WNT7B: variants seen among roughly 807,000 people sequenced by gnomAD.
WNT7B encodes the protein protein Wnt-7b.
A neutral mutation model predicts 38.2 loss-of-function variants in WNT7B; 19 were observed. The ratio of observed to expected loss-of-function variants is 0.50; its 90% CI spans 0.35 to 0.73. The LOEUF (loss-of-function observed/expected upper bound fraction) is 0.73. Ranked by LOEUF, WNT7B falls within the 30% of genes least tolerant of loss-of-function variation. The pLI is 0.01. For synonymous variants in WNT7B, 243 were observed against 209.3 expected (o/e 1.16, Z -1.39); for missense variants, 423 against 507.9 (o/e 0.83, Z 1.61).
Position 45,977,102 on chromosome 22 carries a change from C to T in WNT7B, c.-348G>A. On this transcript the variant is annotated 5_prime_UTR_variant, in exon 1 of 4. Coordinates refer to ENST00000339464, the MANE Select transcript of WNT7B (RefSeq NM_058238.3). ...AGGCGCAGCCGCCTGAGGCCGTGAG[C>T]GCCTCGCCGAGCGCCGCGGCGGCCA... 3.6e-6 allele frequency: 3 copies of T among 839,402 alleles called. No individual in the cohort carries two copies. Among genetic ancestry groups the T allele is most frequent in the Non-Finnish European group, 4.3e-6 (3 of 696,804 alleles). The allele number at this position is 839,402 out of a possible 1,614,324, so 52.0% of individuals were successfully genotyped here. A position where few individuals can be genotyped will look rare whatever the true frequency, so the allele number is the denominator to read the frequency against.
intron 2 of WNT7B, among the ~76,000 whole-genome samples, chr22:45,932,316 T>A (rs977442172): frequency 1.3e-5 from 2 of 152,204 alleles, no homozygotes; most frequent in Admixed American, 6.5e-5. Context: ...CTGGGGATTA[T>A]GTGGTCTTTT....
intron 3 of WNT7B, 23 bp downstream of exon 3, chr22:45,931,075 C>T (rs1318455724): frequency 5.8e-6 from 9 of 1,547,056 alleles, no homozygotes; most frequent in South Asian, 3.6e-5. Context: ...CTACGGCCCC[C>T]ACCAGCCGCA....
At chr22:45,953,786 A>T (rs965592600) in intron 1 of WNT7B, among the ~76,000 whole-genome samples, 2 of 151,986 alleles carry the variant, frequency 1.3e-5, no homozygotes, top group African/African-American at 2.4e-5. Flanking sequence ...AAGGATGTGG[A>T]GAAATTGAAA....
At chr22:45,968,224 C>T (rs1932354565) in intron 1 of WNT7B, among the ~76,000 whole-genome samples, 1 of 152,030 alleles carries the variant, frequency 6.6e-6, no homozygotes, top group Non-Finnish European at 1.5e-5. Flanking sequence ...CTCTGGGAAG[C>T]CCTCTGAGAT....
intron 3 of WNT7B, among the ~76,000 whole-genome samples, chr22:45,929,572 TCATCCATAC>T (rs1931230493): frequency 8.0e-6 from 1 of 124,436 alleles, no homozygotes; most frequent in African/African-American, 3.3e-5. Flanking sequence ...ATCCCCTCAT[TCATCCATAC>T]TTCCATCCAT....
intron 2 of WNT7B, 107 bp from the exon 3 acceptor site, chr22:45,931,476 G>A: frequency 5.3e-6 from 7 of 1,326,422 alleles, no homozygotes; most frequent in Non-Finnish European, 7.0e-6. Context: ...CTGGTTGTGT[G>A]ACCCTGGGCT....
Position 45,976,721 on chromosome 22 carries a change from C to T in WNT7B, c.34G>A (p.Val12Met). Reference sequence around the variant, plus strand: ...TACAGGACGCCAAAGCAGAGAAACACGTAGAAAATCCACTTGCGAAAGTTT... The same window carrying T: ...TACAGGACGCCAAAGCAGAGAAACATGTAGAAAATCCACTTGCGAAAGTTT... ...HRNFRKWIFY[V>M]FLCFGVLYVK... The change falls in exon 1 of 4, where the codon GTG (valine) becomes ATG (methionine). Residue 12 changes from valine to methionine, a missense_variant. Physicochemically the swap from Val to Met is conservative, Grantham distance 21. Transcript: ENST00000339464. The surrounding 1 kb of genome is among the most constrained non-coding windows in gnomAD (Gnocchi z 8.5). 1 of 1,610,230 alleles carries T rather than the reference C, an allele frequency of 6.2e-7. No individual in the cohort carries two copies. Among genetic ancestry groups the T allele is most frequent in the Non-Finnish European group, 8.5e-7 (1 of 1,177,850 alleles).
At chr22:45,956,083 G>A (rs1309596885) in intron 1 of WNT7B, among the ~76,000 whole-genome samples, 4 of 152,214 alleles carry the variant, frequency 2.6e-5, no homozygotes, top group Non-Finnish European at 4.4e-5. Context: ...GGTGACAGAC[G>A]AGAGCAGGAG....
chr22:45,953,121 A>T (rs1931973157), intron 1 of WNT7B, among the ~76,000 whole-genome samples: 1 of 135,960 alleles, frequency 7.4e-6, no homozygotes, highest in Non-Finnish European at 1.6e-5. Flanking sequence ...TCTCACAGTC[A>T]CCGTGTCCGT....
chr22:45,934,804 G>A (rs921005342), intron 2 of WNT7B, among the ~76,000 whole-genome samples: 1 of 152,152 alleles, frequency 6.6e-6, no homozygotes, highest in Non-Finnish European at 1.5e-5. Flanking sequence ...TGCTTTTAAT[G>A]AGCCAAACCC....
At position 45,944,115 on chromosome 22, in the gene WNT7B, TG is replaced by T. The variant is rs1359140248; in HGVS notation, c.298+5804del. On this transcript the variant is annotated intron_variant, in intron 2 of 3. Transcript: ENST00000339464. ...CCAGGCTGCACCCAGGGTAACACAG[TG>T]GGACCCGGGCAGATAGGGCCTGTGT... is the stretch of plus-strand genomic sequence containing the variant. Among the ~76,000 whole-genome samples, 3 of 152,324 alleles carry T rather than the reference TG, an allele frequency of 2.0e-5. No homozygotes were observed. In the South Asian group the frequency reaches 6.2e-4, roughly 32 times the overall value.
chr22:45,966,214 CCAGGCGGGGGTCTGCAGGG>C lies in WNT7B; in HGVS notation c.71+10451_71+10469del, dbSNP rs1390399839. Among the ~76,000 whole-genome samples the C allele has an allele frequency of 2.0e-5, 3 of 152,206 alleles. No individual in the cohort carries two copies. Among genetic ancestry groups the C allele is most frequent in the African/African-American group, 7.2e-5 (3 of 41,452 alleles). The stretch of plus-strand genomic sequence containing the variant: ...GTGGGAATGCCTCATCCTGTGTCCC[CCAGGCGGGGGTCTGCAGGG>C]CAGGCAGTGCATTCTGGAGGACTTC... On this transcript the variant is annotated intron_variant, in intron 1 of 3. Transcript: ENST00000339464. The surrounding 1 kb of genome is among the most constrained non-coding windows in gnomAD (Gnocchi z 4.2).
intron 1 of WNT7B, among the ~76,000 whole-genome samples, chr22:45,953,300 C>T (rs1231090040): frequency 1.3e-5 from 2 of 151,466 alleles, no homozygotes; most frequent in African/African-American, 2.4e-5. Flanking sequence ...CTCTCACAGT[C>T]ACCACGTCCA....
At position 45,929,711 on chromosome 22, in the gene WNT7B, C is replaced by T. The variant is rs535250445; in HGVS notation, c.570+1387G>A. Among the ~76,000 whole-genome samples the T allele has an allele frequency of 2.6e-3, 260 of 98,904 alleles. 1 individual carries two copies. The highest frequency in any genetic ancestry group is 5.1e-3 in the South Asian group (15 of 2,944). The allele number at this position is 98,904 out of a possible 152,430, so 64.9% of individuals were successfully genotyped here. On this transcript the variant is annotated intron_variant, in intron 3 of 3. Coordinates refer to ENST00000339464, the MANE Select transcript of WNT7B (RefSeq NM_058238.3). ...TTCCATCCACCCATCTTTCCATCCA[C>T]CCGTGAATCCACTCACCCATCCACC... is the stretch of plus-strand genomic sequence containing the variant.
chr22:45,925,981 CCT>C (rs1431131861), intron 3 of WNT7B: 1 of 943,126 alleles, frequency 1.1e-6, no homozygotes, highest in South Asian at 4.7e-5. Context: ...TCCTCCCTCC[CCT>C]GTCCCTGTCT....
intron 1 of WNT7B, among the ~76,000 whole-genome samples, chr22:45,952,444 G>A (rs1931955603): frequency 6.6e-6 from 1 of 152,234 alleles, no homozygotes; most frequent in South Asian, 2.1e-4. Context: ...TGGCATGGAG[G>A]AAGAGCATCT....
At chr22:45,926,537 A>G in intron 3 of WNT7B, 10 of 985,380 alleles carry the variant, frequency 1.0e-5, no homozygotes, top group Non-Finnish European at 1.2e-5. Flanking sequence ...AAGTCCTTCC[A>G]GGGCGAGACT....
chr22:45,929,118 C>A (rs1281400146), intron 3 of WNT7B, among the ~76,000 whole-genome samples: 1 of 152,186 alleles, frequency 6.6e-6, no homozygotes, highest in African/African-American at 2.4e-5. Flanking sequence ...GCTGCAGAGG[C>A]TCGAGGATGG....
chr22:45,933,793 C>T (rs975510031), intron 2 of WNT7B, among the ~76,000 whole-genome samples: 28 of 152,144 alleles, frequency 1.8e-4, no homozygotes, highest in Admixed American at 3.3e-4. Flanking sequence ...CGTGCACTCC[C>T]GGCCTGGGCA....
Sources: gnomAD v4.1 joint callset for allele counts (sites outside exome capture counted in the v4.1 genomes callset) on GRCh38, gnomAD v4.1.1 for gene constraint, Gnocchi (gnomAD v3.1) non-coding constraint, MANE v1.5 for transcripts, NCBI Gene and HGNC (gene_info 2026-07-23, HGNC 2026-07-21) for gene names.